The following RABGAP1L variants were observed in gnomAD, a reference collection of about 807,000 sequenced individuals.
RABGAP1L encodes the protein rab GTPase-activating protein 1-like.
In RABGAP1L, 63 loss-of-function variants were observed where a neutral mutation model predicts 137.7. That is an observed-to-expected ratio of 0.46 (90% CI 0.37 to 0.56). The LOEUF (loss-of-function observed/expected upper bound fraction) is 0.56, where lower values mean the gene tolerates loss of function less well. Among genes scored for constraint, RABGAP1L ranks in the 20% least tolerant of loss-of-function variants. The pLI is 0.00. For missense variants in RABGAP1L, 1,095 were observed against 1,244.0 expected (o/e 0.88, Z 1.80); for synonymous variants, 431 against 433.7 (o/e 0.99, Z 0.08).
intron 18 of RABGAP1L, among the ~76,000 whole-genome samples, chr1:174,767,403 A>C (rs1370085630): frequency 6.6e-6 from 1 of 152,212 alleles, no homozygotes; most frequent in Non-Finnish European, 1.5e-5. Context: ...CAAAAGTCTT[A>C]AAGCACTTGA....
At chr1:174,614,170 T>G (rs1391618681) in intron 13 of RABGAP1L, among the ~76,000 whole-genome samples, 1 of 152,218 alleles carries the variant, frequency 6.6e-6, no homozygotes, top group Non-Finnish European at 1.5e-5. Context: ...CTTTACAATT[T>G]GGCATGATTT....
At chr1:174,482,935 G>T (rs1203127545) in intron 13 of RABGAP1L, among the ~76,000 whole-genome samples, 1 of 152,114 alleles carries the variant, frequency 6.6e-6, no homozygotes, top group Non-Finnish European at 1.5e-5. Context: ...GATAAATAAA[G>T]AGAAAATGTC....
At chr1:174,679,855 A>T (rs1322636135) in intron 14 of RABGAP1L, among the ~76,000 whole-genome samples, 1 of 152,206 alleles carries the variant, frequency 6.6e-6, no homozygotes, top group Non-Finnish European at 1.5e-5. Flanking sequence ...AAATGCAAGG[A>T]ATCTAGAATA....
At chr1:174,695,373 G>C (rs2148508028) in intron 15 of RABGAP1L, among the ~76,000 whole-genome samples, 1 of 152,030 alleles carries the variant, frequency 6.6e-6, no homozygotes, top group African/African-American at 2.4e-5. Flanking sequence ...TGATTCTTCT[G>C]CTTGATCATC....
rs190397052 is a variant in RABGAP1L, at chr1:174,544,152, G to T, written c.1711-93223G>T. ...TTTGAATGTTGGCCTGCCTTGCTAGGTTGGGTAAGTTCTCCTGGGTAATAT... is the reference window on the plus strand; with the variant it reads ...TTTGAATGTTGGCCTGCCTTGCTAGTTTGGGTAAGTTCTCCTGGGTAATAT... On this transcript the variant is annotated intron_variant, in intron 13 of 25. Coordinates refer to ENST00000681986, the MANE Select transcript of RABGAP1L (RefSeq NM_001366446.1). 2.8e-3 allele frequency among the ~76,000 whole-genome samples: 428 copies of T among 152,264 alleles called. 4 individuals carry two copies. The highest frequency in any genetic ancestry group is 9.8e-3 in the African/African-American group (409 of 41,556).
chr1:174,639,561 A>G (rs1674354611), intron 14 of RABGAP1L, among the ~76,000 whole-genome samples: 2 of 152,032 alleles, frequency 1.3e-5, no homozygotes, highest in African/African-American at 4.8e-5. Context: ...TTCCCCTAGC[A>G]TATAGTATAT....
At chr1:174,818,148 T>G (rs1305566936) in intron 19 of RABGAP1L, among the ~76,000 whole-genome samples, 1 of 152,122 alleles carries the variant, frequency 6.6e-6, no homozygotes, top group African/African-American at 2.4e-5. Flanking sequence ...ATTGAAACCA[T>G]GGGAGTGGGT....
chr1:174,849,918 G>A, intron 19 of RABGAP1L: 1 of 622,098 alleles, frequency 1.6e-6, no homozygotes, highest in Non-Finnish European at 3.0e-6. Context: ...ACATCTTTCA[G>A]CAGCTTTTAC....
intron 13 of RABGAP1L, among the ~76,000 whole-genome samples, chr1:174,414,802 C>G (rs1650361553): frequency 6.6e-6 from 1 of 151,922 alleles, no homozygotes; most frequent in Admixed American, 6.6e-5. Context: ...ATAATTACTA[C>G]TTATGAAATA....
intron 13 of RABGAP1L, among the ~76,000 whole-genome samples, chr1:174,511,479 TA>T (rs1196656591): frequency 6.6e-6 from 1 of 152,196 alleles, no homozygotes; most frequent in Non-Finnish European, 1.5e-5. Context: ...TAAGAGAAAT[TA>T]AAAGTTCATG....
intron 19 of RABGAP1L, among the ~76,000 whole-genome samples, chr1:174,910,070 C>T (rs764600727): frequency 6.6e-5 from 10 of 152,042 alleles, no homozygotes; most frequent in Non-Finnish European, 1.3e-4. Context: ...ACCTGGGATG[C>T]GGAGCTTGCA....
intron 10 of RABGAP1L, among the ~76,000 whole-genome samples, chr1:174,295,492 T>G (rs1388518063): frequency 2.7e-4 from 41 of 151,982 alleles, no homozygotes; most frequent in Non-Finnish European, 2.9e-4. Flanking sequence ...CAAGCGATTC[T>G]CTTGCCTCAG....
chr1:174,637,269 C>T, intron 13 of RABGAP1L, 106 bp from the exon 14 acceptor site: 1 of 740,036 alleles, frequency 1.4e-6, no homozygotes, highest in Non-Finnish European at 2.2e-6. Flanking sequence ...TTATGTTTTT[C>T]TGTTGTTTAC....
At chr1:174,611,879 A>G (rs1671286732) in intron 13 of RABGAP1L, among the ~76,000 whole-genome samples, 1 of 152,276 alleles carries the variant, frequency 6.6e-6, no homozygotes, top group Admixed American at 6.5e-5. Flanking sequence ...GTGTTTAAGA[A>G]TGCTTGTGAT....
intron 13 of RABGAP1L, among the ~76,000 whole-genome samples, chr1:174,429,245 G>T (rs141141463): frequency 6.6e-6 from 1 of 152,144 alleles, no homozygotes; most frequent in Non-Finnish European, 1.5e-5. Context: ...ATCACTAGTC[G>T]TCTTCTTCAC....
rs560445775 is a variant in RABGAP1L at position 174,442,186 on chromosome 1, C to T, written c.1710+48041C>T. Among the ~76,000 whole-genome samples the T allele has an allele frequency of 7.9e-5, 12 of 151,968 alleles. 1 individual carries two copies. The South Asian group carries it at 2.3e-3, about 29-fold the overall frequency. On this transcript the variant is annotated intron_variant, in intron 13 of 25. Transcript: ENST00000681986. The stretch of plus-strand genomic sequence containing the variant: ...TCTTTACAAGGAATGTGGGACCTAT[C>T]TACATTCACGAATATTTATCAAATA...
intron 21 of RABGAP1L, among the ~76,000 whole-genome samples, chr1:174,973,950 CA>C (rs1670390655): frequency 2.8e-5 from 4 of 144,446 alleles, no homozygotes; most frequent in African/African-American, 1.0e-4. Context: ...TTTTTAAGAA[CA>C]CTGAAATGAG....
intron 1 of RABGAP1L, among the ~76,000 whole-genome samples, chr1:174,166,240 T>G (rs1571332277): frequency 6.6e-6 from 1 of 152,034 alleles, no homozygotes; most frequent in Non-Finnish European, 1.5e-5. Flanking sequence ...GTTTTTTTTT[T>G]GTTTGTTTTT....
Position 174,976,174 on chromosome 1 carries a change from A to G in RABGAP1L, c.2641A>G (p.Thr881Ala), listed in dbSNP as rs1173195773. Residue 881 changes from threonine to alanine, a missense_variant, in exon 22 of 26, where the codon ACT (threonine) becomes GCT (alanine). Transcript: ENST00000681986. ...GGAGAAGAGGAAGCAAGAGGAAGAGACTGCCCAGGTAAAAGGAATAATATG... is the reference window on the plus strand; with the variant it reads ...GGAGAAGAGGAAGCAAGAGGAAGAGGCTGCCCAGGTAAAAGGAATAATATG... ...EEEKRKQEEETAQLKEVFRKQ... is the reference protein window; with the variant it reads ...EEEKRKQEEEAAQLKEVFRKQ... 6.5e-7 allele frequency: 1 copy of G among 1,548,906 alleles called. No homozygotes were observed. The highest frequency in any genetic ancestry group is 1.2e-5 in the South Asian group (1 of 84,022).
Sources: gnomAD v4.1 joint callset for allele counts (sites outside exome capture counted in the v4.1 genomes callset) on GRCh38, gnomAD v4.1.1 for gene constraint, MANE v1.5 for transcripts, NCBI Gene and HGNC (gene_info 2026-07-23, HGNC 2026-07-21) for gene names.